Variants in SIPA1L2 observed in about 807,000 individuals in gnomAD.
SIPA1L2 encodes the protein signal-induced proliferation-associated 1-like protein 2.
A neutral mutation model predicts 163.9 loss-of-function variants in SIPA1L2; 56 were observed. That is an observed-to-expected ratio of 0.34 (90% CI 0.28 to 0.43). The LOEUF (loss-of-function observed/expected upper bound fraction) is 0.43. Among genes scored for constraint, SIPA1L2 ranks in the 20% least tolerant of loss-of-function variants. The pLI, the probability that SIPA1L2 is intolerant of heterozygous loss-of-function variation, is 1.00. For synonymous variants in SIPA1L2, 877 were observed against 865.7 expected, an observed-to-expected ratio of 1.01 and a Z score of -0.23; for missense variants, 1,974 against 2,193.5, an observed-to-expected ratio of 0.90 and a Z score of 2.00.
chr1:232,442,079 C>T (rs1662935158), intron 12 of SIPA1L2, among the ~76,000 whole-genome samples: 1 of 151,994 alleles, frequency 6.6e-6, no homozygotes, highest in South Asian at 2.1e-4. Context: ...ACCAGAGGGT[C>T]AGAAAAAGCA....
At chr1:232,630,152 G>A (rs1167344218), upstream of SIPA1L2, among the ~76,000 whole-genome samples, 2 of 151,340 alleles carry the variant, frequency 1.3e-5, no homozygotes, top group Non-Finnish European at 3.0e-5. Flanking sequence ...GGCTCCCGAT[G>A]CCACCGCCCG....
upstream of SIPA1L2, among the ~76,000 whole-genome samples, chr1:232,630,309 C>A (rs1446585649): frequency 6.6e-6 from 1 of 151,892 alleles, no homozygotes; most frequent in Non-Finnish European, 1.5e-5. Context: ...TGCGCTGTTC[C>A]CAGGCCCCGC....
chr1:232,464,440 T>C (rs763477068), intron 9 of SIPA1L2, among the ~76,000 whole-genome samples: 23 of 152,106 alleles, frequency 1.5e-4, no homozygotes, highest in Non-Finnish European at 2.8e-4. Flanking sequence ...CATGCAGGGG[T>C]GAAACTGCAG....
chr1:232,627,488 G>C (rs750900034), intron 1 of SIPA1L2, among the ~76,000 whole-genome samples: 2 of 151,890 alleles, frequency 1.3e-5, no homozygotes, highest in Non-Finnish European at 2.9e-5. Flanking sequence ...CAGGTATCAA[G>C]GAACCCTTCA....
At chr1:232,421,548 T>C (rs970129821) in intron 18 of SIPA1L2, among the ~76,000 whole-genome samples, 1 of 152,184 alleles carries the variant, frequency 6.6e-6, no homozygotes, top group Non-Finnish European at 1.5e-5. Context: ...AAAGAAGTAT[T>C]ACACTGAATA....
chr1:232,467,362 A>G (rs917107624), intron 8 of SIPA1L2, among the ~76,000 whole-genome samples: 1 of 152,310 alleles, frequency 6.6e-6, no homozygotes, highest in African/African-American at 2.4e-5. Flanking sequence ...AAGGTCCTTA[A>G]AAACATCACA....
chr1:232,461,865 C>T (rs980532313), intron 9 of SIPA1L2, among the ~76,000 whole-genome samples: 4 of 152,164 alleles, frequency 2.6e-5, no homozygotes, highest in Non-Finnish European at 4.4e-5. Flanking sequence ...CCTATGCTTG[C>T]CTGAGTGGTG....
chr1:232,609,817 G>C (rs1197845249), intron 1 of SIPA1L2, among the ~76,000 whole-genome samples: 1 of 132,728 alleles, frequency 7.5e-6, no homozygotes. Flanking sequence ...GCGACAGTGC[G>C]AGACTCCATC....
chr1:232,441,154 C>T, intron 14 of SIPA1L2, 137 bp downstream of exon 14: 1 of 641,964 alleles, frequency 1.6e-6, no homozygotes, highest in Non-Finnish European at 2.5e-6. Context: ...AGATAGTTTC[C>T]TTTTTTAACC....
intron 21 of SIPA1L2, 42 bp from the exon 22 acceptor site, chr1:232,402,515 A>G (rs201911436): frequency 8.9e-6 from 14 of 1,570,238 alleles, no homozygotes; most frequent in African/African-American, 4.1e-5. Flanking sequence ...AAGAGAGTCA[A>G]TCGAGCATTT....
intron 2 of SIPA1L2, among the ~76,000 whole-genome samples, chr1:232,571,257 T>C (rs1225853048): frequency 6.6e-6 from 1 of 152,212 alleles, no homozygotes; most frequent in Non-Finnish European, 1.5e-5. Context: ...GATAAAACAC[T>C]TTTTTTAACA....
intron 3 of SIPA1L2, among the ~76,000 whole-genome samples, chr1:232,507,966 C>T (rs1004626375): frequency 6.6e-6 from 1 of 152,128 alleles, no homozygotes; most frequent in African/African-American, 2.4e-5. Flanking sequence ...GTGATTATAG[C>T]TGATGAATTT....
chr1:232,402,563 G>C, intron 21 of SIPA1L2, 90 bp from the exon 22 acceptor site: 1 of 1,050,854 alleles, frequency 9.5e-7, no homozygotes, highest in Non-Finnish European at 1.4e-6. Flanking sequence ...ATTATTTCAT[G>C]TGCTTAGAGC....
chr1:232,560,149 T>C (rs1302313048), intron 2 of SIPA1L2, among the ~76,000 whole-genome samples: 4 of 152,204 alleles, frequency 2.6e-5, no homozygotes, highest in African/African-American at 9.6e-5. Context: ...AAACGTACTT[T>C]GTGTTTTTAA....
Position 232,496,074 on chromosome 1 carries a change from A to G in SIPA1L2, c.1484-2414T>C, listed in dbSNP as rs374733473. 7.9e-5 allele frequency among the ~76,000 whole-genome samples: 12 copies of G among 152,248 alleles called. No individual in the cohort carries two copies. In the East Asian group the frequency reaches 1.7e-3, roughly 22 times the overall value. On this transcript the variant is annotated intron_variant, in intron 3 of 22. Transcript: ENST00000674635. Reference sequence around the variant, plus strand: ...AAGTGTTTATAAAGTCTGCAGTAGCATAATGTCCTACATTAACTCACTACT... The same window carrying G: ...AAGTGTTTATAAAGTCTGCAGTAGCGTAATGTCCTACATTAACTCACTACT...
chr1:232,541,129 G>A (rs557983008), intron 2 of SIPA1L2, among the ~76,000 whole-genome samples: 13 of 152,190 alleles, frequency 8.5e-5, no homozygotes, highest in African/African-American at 2.9e-4. Flanking sequence ...CAGAATAAAC[G>A]GCTAATGCAC....
At chr1:232,567,087 G>A (rs960542320) in intron 2 of SIPA1L2, among the ~76,000 whole-genome samples, 10 of 152,140 alleles carry the variant, frequency 6.6e-5, no homozygotes, top group African/African-American at 2.4e-4. Flanking sequence ...TACCCTTGGG[G>A]CACTGCCACA....
At chr1:232,553,194 C>T (rs1235912903) in intron 2 of SIPA1L2, among the ~76,000 whole-genome samples, 2 of 152,120 alleles carry the variant, frequency 1.3e-5, no homozygotes, top group African/African-American at 4.8e-5. Context: ...GGATCATCTT[C>T]CCCTGGAGTT....
intron 3 of SIPA1L2, among the ~76,000 whole-genome samples, chr1:232,507,219 G>A (rs893023905): frequency 6.6e-6 from 1 of 151,452 alleles, no homozygotes; most frequent in African/African-American, 2.4e-5. Flanking sequence ...TGATGACCTG[G>A]ACAGCTTTGG....
Sources: allele counts gnomAD v4.1 joint callset (sites outside exome capture counted in the v4.1 genomes callset), GRCh38; gene constraint gnomAD v4.1.1; transcripts MANE v1.5; gene names NCBI Gene and HGNC (gene_info 2026-07-23, HGNC 2026-07-21).